The following RNF17 variants were observed in gnomAD, a reference collection of about 807,000 sequenced individuals.
RNF17 encodes spermatogenesis associated 23.
Under a neutral mutation model 200.5 loss-of-function variants are expected in RNF17, and 31 were observed. The ratio of observed to expected loss-of-function variants is 0.15; its 90% confidence interval spans 0.12 to 0.21. RNF17 has a LOEUF of 0.21. RNF17 is among the 10% of genes least tolerant of loss of function. The pLI, the probability that RNF17 is intolerant of heterozygous loss-of-function variation, is 1.00. For synonymous variants in RNF17, 606 were observed against 637.8 expected (o/e 0.95, Z 0.75); for missense variants, 1,628 against 1,905.1 (o/e 0.85, Z 2.71).
the RNF17 span, chr13:24,886,273 A>G: frequency 4.4e-5 from 57 of 1,281,642 alleles, no homozygotes; most frequent in Non-Finnish European, 5.5e-5. Context: ...TCTGACCTCC[A>G]TGTTAAAAAG....
Position 24,764,265 on chromosome 13 carries a change from A to G in RNF17, c.62A>G (p.Lys21Arg). 1 of 1,610,948 alleles carries G rather than the reference A, an allele frequency of 6.2e-7. No individual in the cohort carries two copies. Among genetic ancestry groups the G allele is most frequent in the Non-Finnish European group, 8.5e-7 (1 of 1,177,690 alleles). ...TCTTCCTACCAGCGAATGGGGAGGA[A>G]GAGTCAGCCCTGGGGTGCCGCTGAA... Reference protein sequence around the residue: ...SRSSYQRMGRKSQPWGAAEIQ... With the variant: ...SRSSYQRMGRRSQPWGAAEIQ... The change falls in exon 1 of 36, where the codon AAG becomes AGG. Residue 21 changes from lysine (K) to arginine (R), a missense_variant. By Grantham distance (26) the Lys-to-Arg change is conservative. This residue lies in a region of RNF17 where 502 missense variants were observed against 501.7 expected (regional missense o/e 1.00). Transcript: ENST00000255324.
In RNF17 at chr13:24,862,817, T is replaced by C. The variant is rs770399196; in HGVS notation, c.3975+24T>C. The C allele has an allele frequency of 2.1e-5, 27 of 1,307,890 alleles. No individual in the cohort carries two copies. In the South Asian group the frequency reaches 2.9e-4, roughly 14 times the overall value. The allele number at this position is 1,307,890 out of a possible 1,614,324, so 81.0% of individuals were successfully genotyped here. ...TGGTAATTTAAAGTATATATAGTTG[T>C]TATAAATTACTTGCCATAAAATATT... On this transcript the variant is annotated intron_variant, in intron 28 of 35. Coordinates refer to ENST00000255324, the MANE Select transcript of RNF17 (RefSeq NM_031277.3).
intron 33 of RNF17, among the ~76,000 whole-genome samples, chr13:24,875,382 A>C: frequency 6.6e-6 from 1 of 152,208 alleles, no homozygotes; most frequent in Admixed American, 6.5e-5. Context: ...TTGAAGATGA[A>C]GCCCATAGCA....
downstream of RNF17, chr13:24,884,330 T>G: frequency 6.2e-7 from 1 of 1,614,186 alleles, no homozygotes; most frequent in Non-Finnish European, 8.5e-7. Flanking sequence ...TACCACTCTT[T>G]GGTCTGGCAT....
chr13:24,836,557 C>T (rs1001179252), intron 18 of RNF17, among the ~76,000 whole-genome samples: 7 of 152,260 alleles, frequency 4.6e-5, no homozygotes, highest in African/African-American at 1.7e-4. Context: ...TATCTTCAGC[C>T]TCCTCAAACA....
intron 33 of RNF17, among the ~76,000 whole-genome samples, chr13:24,874,989 G>T (rs1002455884): frequency 6.6e-6 from 1 of 152,082 alleles, no homozygotes; most frequent in African/African-American, 2.4e-5. Flanking sequence ...AATTTTTAAA[G>T]ATTCATTCAT....
At position 24,842,499 on chromosome 13, in the gene RNF17, TA is replaced by T. The variant is rs528051621; in HGVS notation, c.2603+340del. 7.2e-5 allele frequency among the ~76,000 whole-genome samples: 11 copies of T among 152,334 alleles called. No individual in the cohort carries two copies. The East Asian group carries it at 1.7e-3, about 24-fold the overall frequency. ...GGAAGAGAAATGGCAGGATGGAGAA[TA>T]AGCATAGTGGTAGAGTAGCTTACAT... On this transcript the variant is annotated intron_variant, in intron 19 of 35. Coordinates refer to ENST00000255324, the MANE Select transcript of RNF17 (RefSeq NM_031277.3).
At chr13:24,817,276 G>A (rs952329975) in intron 15 of RNF17, among the ~76,000 whole-genome samples, 8 of 152,096 alleles carry the variant, frequency 5.3e-5, no homozygotes, top group African/African-American at 1.7e-4. Context: ...TTTGAATCCT[G>A]TTTGAACCTC....
At chr13:24,870,821 C>A in intron 32 of RNF17, 82 bp downstream of exon 32, 1 of 1,055,812 alleles carries the variant, frequency 9.5e-7, no homozygotes. Context: ...CTTGGGCTAT[C>A]TCTAATGCTG....
chr13:24,852,294 T>G (rs1384459011), intron 24 of RNF17, among the ~76,000 whole-genome samples: 1 of 152,034 alleles, frequency 6.6e-6, no homozygotes, highest in African/African-American at 2.4e-5. Context: ...GGCCGCCACC[T>G]CGCCTGGCTA....
At chr13:24,870,479 C>A (rs955737114) in intron 31 of RNF17, 92 bp from the exon 32 acceptor site, 6 of 1,102,144 alleles carry the variant, frequency 5.4e-6, no homozygotes. Flanking sequence ...GGGAGCATCG[C>A]TGGAGGCTGT....
chr13:24,868,735 T>C lies in RNF17; in HGVS notation c.4278+19T>C. 1 of 1,221,852 alleles carries C rather than the reference T, an allele frequency of 8.2e-7. No homozygotes were observed. Among genetic ancestry groups the C allele is most frequent in the Non-Finnish European group, 1.2e-6 (1 of 824,920 alleles). 75.7% of individuals were successfully genotyped at this position (1,221,852 alleles called of 1,614,324 possible). A position where few individuals can be genotyped will look rare whatever the true frequency, so the allele number is the denominator to read the frequency against. ...TAATGAAGTATGTGATCTAAATGATTAGTTGGTGATTAAAAATGTAACAAG... is the reference window on the plus strand; with the variant it reads ...TAATGAAGTATGTGATCTAAATGATCAGTTGGTGATTAAAAATGTAACAAG... On this transcript the variant is annotated intron_variant, in intron 31 of 35. Transcript: ENST00000255324.
chr13:24,861,396 A>G lies in RNF17; in HGVS notation c.3894+9A>G, dbSNP rs752970576. 6.8e-7 allele frequency: 1 copy of G among 1,473,748 alleles called. No individual in the cohort carries two copies. The highest frequency in any genetic ancestry group is 9.1e-7 in the Non-Finnish European group (1 of 1,104,546). The allele number at this position is 1,473,748 out of a possible 1,614,324, so 91.3% of individuals were successfully genotyped here. ...TCCATAATACCACACCTGTGAGTAC[A>G]TAATAATTTGTGGAATGATTAATTT... On this transcript the variant is annotated intron_variant, in intron 27 of 35. Coordinates refer to ENST00000255324, the MANE Select transcript of RNF17 (RefSeq NM_031277.3).
At position 24,850,385 on chromosome 13, in the gene RNF17, G is replaced by C. The variant is rs954271498; in HGVS notation, c.3146G>C (p.Cys1049Ser). Residue 1049 changes from cysteine to serine, a missense_variant, in exon 23 of 36, where the codon TGT (cysteine) becomes TCT (serine). Coordinates refer to ENST00000255324, the MANE Select transcript of RNF17 (RefSeq NM_031277.3). The part of the protein sequence containing the change: ...SDKWTATACD[C>S]LSLYLTGAVA... ...AAGTGGACAGCAACAGCTTGTGACTGTCTTTCATTGTACCTGACTGGAGCT... is the reference window on the plus strand; with the variant it reads ...AAGTGGACAGCAACAGCTTGTGACTCTCTTTCATTGTACCTGACTGGAGCT... 3 of 1,613,768 alleles carry C rather than the reference G, an allele frequency of 1.9e-6. No homozygotes were observed. The Admixed American group carries it at 5.0e-5, about 27-fold the overall frequency.
At chr13:24,841,236 C>G (rs1890613824) in intron 18 of RNF17, among the ~76,000 whole-genome samples, 1 of 152,204 alleles carries the variant, frequency 6.6e-6, no homozygotes, top group South Asian at 2.1e-4. Context: ...GATGGTTTGT[C>G]CTAAAAAACA....
chr13:24,759,103 A>C, the RNF17 span, among the ~76,000 whole-genome samples: 1 of 149,078 alleles, frequency 6.7e-6, no homozygotes, highest in Admixed American at 6.7e-5. Flanking sequence ...AAAAAAAAAA[A>C]CAACACTTAC....
At chr13:24,773,860 G>C (rs546970285) in intron 2 of RNF17, among the ~76,000 whole-genome samples, 1 of 152,200 alleles carries the variant, frequency 6.6e-6, no homozygotes, top group Non-Finnish European at 1.5e-5. Context: ...GTAGGACCTA[G>C]GCACCCAGAG....
chr13:24,782,065 T>G, intron 6 of RNF17, 121 bp downstream of exon 6: 1 of 693,180 alleles, frequency 1.4e-6, no homozygotes, highest in South Asian at 1.7e-5. Context: ...TGGGTAACTT[T>G]CAAACAAGTT....
chr13:24,816,931 C>G (rs1057214617), intron 15 of RNF17, among the ~76,000 whole-genome samples: 3 of 152,268 alleles, frequency 2.0e-5, no homozygotes, highest in African/African-American at 2.4e-5. Context: ...AGAGCCTTGT[C>G]GGGGCAGAGC....
Sources: allele counts gnomAD v4.1 joint callset (sites outside exome capture counted in the v4.1 genomes callset), GRCh38; gene constraint gnomAD v4.1.1; regional missense constraint gnomAD v4.1.1; transcripts MANE v1.5; gene names NCBI Gene and HGNC (gene_info 2026-07-23, HGNC 2026-07-21).